FAIM2: variants seen among roughly 807,000 people sequenced by gnomAD.
FAIM2 encodes the protein protein lifeguard 2.
In FAIM2, 27 loss-of-function variants were observed where a neutral mutation model predicts 47.4. That is an observed-to-expected ratio of 0.57 (90% CI 0.42 to 0.78). The LOEUF (loss-of-function observed/expected upper bound fraction) is 0.78, where lower values mean the gene tolerates loss of function less well. FAIM2 is among the 30% of genes least tolerant of loss of function. The pLI is 0.00. For missense variants in FAIM2, 311 were observed against 389.4 expected (o/e 0.80, Z 1.69); for synonymous variants, 156 against 159.3 (o/e 0.98, Z 0.16).
chr12:49,884,605 G>A (rs1946847741), intron 11 of FAIM2, among the ~76,000 whole-genome samples: 1 of 152,150 alleles, frequency 6.6e-6, no homozygotes, highest in African/African-American at 2.4e-5. Flanking sequence ...GGAACCACAG[G>A]GGCACTGGAA....
At chr12:49,896,983 G>A in intron 5 of FAIM2, 48 bp downstream of exon 5, 2 of 1,441,546 alleles carry the variant, frequency 1.4e-6, no homozygotes, top group South Asian at 2.3e-5. Context: ...CCCTCTTCTG[G>A]CCACTAAGCC....
intron 11 of FAIM2, among the ~76,000 whole-genome samples, chr12:49,877,888 G>A (rs564453575): frequency 6.6e-6 from 1 of 150,644 alleles, no homozygotes; most frequent in South Asian, 2.1e-4. Context: ...ATATGTGTAT[G>A]TGGGTATGTG....
intron 11 of FAIM2, among the ~76,000 whole-genome samples, chr12:49,886,546 G>C (rs1946862760): frequency 1.3e-5 from 2 of 152,074 alleles, no homozygotes; most frequent in South Asian, 4.2e-4. Flanking sequence ...CGCGATCTCG[G>C]CTCACTGCAA....
At chr12:49,880,452 A>ATG (rs1279964071) in intron 11 of FAIM2, among the ~76,000 whole-genome samples, 4 of 62,688 alleles carry the variant, frequency 6.4e-5, no homozygotes, top group Admixed American at 1.7e-4. Context: ...GTGTATGTGC[A>ATG]TGTGTATGTG....
intron 1 of FAIM2, chr12:49,902,388 C>T (rs11831143): frequency 0.15 from 23,102 of 152,248 alleles, 1,949 homozygotes; most frequent in African/African-American, 0.21. Context: ...AGGAAGACTG[C>T]GGACTTCCTT....
Position 49,879,086 on chromosome 12 carries a change from CTG to C in FAIM2, c.801+8298_801+8299del, listed in dbSNP as rs1188318649. Among the ~76,000 whole-genome samples, 8 of 120,976 alleles carry C rather than the reference CTG, an allele frequency of 6.6e-5. 1 individual carries two copies. Among genetic ancestry groups the C allele is most frequent in the African/African-American group, 2.3e-4 (7 of 30,772 alleles). 79.4% of individuals were successfully genotyped at this position (120,976 alleles called of 152,430 possible). On this transcript the variant is annotated intron_variant, in intron 11 of 11. Coordinates refer to ENST00000320634, the MANE Select transcript of FAIM2 (RefSeq NM_012306.4). ...TATGTATATGTGCATGTGTATGTGT[CTG>C]TGTGCATGTGAGTGTATGTATGTGC... is the stretch of plus-strand genomic sequence containing the variant.
At chr12:49,890,800 A>G in intron 6 of FAIM2, 78 bp from the exon 7 acceptor site, 1 of 1,303,206 alleles carries the variant, frequency 7.7e-7, no homozygotes, top group Non-Finnish European at 1.1e-6. Flanking sequence ...TGTTGCAGGG[A>G]GGGGGTCTCT....
intron 11 of FAIM2, among the ~76,000 whole-genome samples, chr12:49,878,809 TGTGAATGTG>T (rs2137084646): frequency 1.2e-5 from 1 of 82,696 alleles, no homozygotes; most frequent in African/African-American, 7.5e-5. Flanking sequence ...TATGTGTGCA[TGTGAATGTG>T]TGTATATGTG....
intron 8 of FAIM2, among the ~76,000 whole-genome samples, 194 bp downstream of exon 8, chr12:49,889,923 C>T (rs1036823759): frequency 2.0e-5 from 3 of 151,936 alleles, no homozygotes; most frequent in Non-Finnish European, 4.4e-5. Context: ...CCCTATCCAC[C>T]GGGCCAGGTC....
intron 11 of FAIM2, among the ~76,000 whole-genome samples, chr12:49,879,272 GTATA>G (rs201009107): frequency 1.6e-5 from 1 of 63,742 alleles, no homozygotes; most frequent in African/African-American, 7.1e-5. Context: ...GTGTGCATGT[GTATA>G]TGTGTGTATG....
At chr12:49,895,691 T>TGA (rs1180625369) in intron 5 of FAIM2, among the ~76,000 whole-genome samples, 1 of 152,182 alleles carries the variant, frequency 6.6e-6, no homozygotes, top group African/African-American at 2.4e-5. Context: ...GAGGCCAGGC[T>TGA]AGGGTCCTTA....
intron 9 of FAIM2, 111 bp downstream of exon 9, chr12:49,889,370 C>T (rs1565617599): frequency 1.8e-6 from 2 of 1,089,780 alleles, no homozygotes; most frequent in Non-Finnish European, 2.8e-6. Flanking sequence ...CAACTCACCC[C>T]CTTTACTTCT....
chr12:49,897,709 G>A (rs1389795532), intron 3 of FAIM2, 126 bp from the exon 4 acceptor site: 4 of 717,674 alleles, frequency 5.6e-6, no homozygotes, highest in Admixed American at 5.4e-5. Context: ...GGGGGTCATT[G>A]GAGTGAACCC....
chr12:49,899,285 T>G (rs1022997623), intron 2 of FAIM2, among the ~76,000 whole-genome samples: 3 of 152,152 alleles, frequency 2.0e-5, no homozygotes, highest in Admixed American at 2.0e-4. Context: ...AGTGTGTTCA[T>G]TTTGTCCCTC....
At chr12:49,883,944 G>A (rs1379660192) in intron 11 of FAIM2, among the ~76,000 whole-genome samples, 3 of 152,180 alleles carry the variant, frequency 2.0e-5, no homozygotes, top group African/African-American at 7.2e-5. Flanking sequence ...GGGAATGGTC[G>A]GGCGCTATGG....
At position 49,878,414 on chromosome 12, in the gene FAIM2, GTA is replaced by G. The variant is rs796202212; in HGVS notation, c.802-7763_802-7762del. On this transcript the variant is annotated intron_variant, in intron 11 of 11. Transcript: ENST00000320634. ...TGTGTGTGTCTGTGTGCATGTGAGT[GTA>G]TGTGTGTGTATATGTGCAAGTGTGT... Among the ~76,000 whole-genome samples, 5 of 112,008 alleles carry G rather than the reference GTA, an allele frequency of 4.5e-5. 1 individual carries two copies. The highest frequency in any genetic ancestry group is 9.0e-5 in the African/African-American group (2 of 22,324). 73.5% of individuals were successfully genotyped at this position (112,008 alleles called of 152,430 possible). A position where few individuals can be genotyped will look rare whatever the true frequency, so the allele number is the denominator to read the frequency against.
intron 8 of FAIM2, 100 bp from the exon 9 acceptor site, chr12:49,889,668 G>C: frequency 1.0e-6 from 1 of 983,226 alleles, no homozygotes; most frequent in Non-Finnish European, 1.6e-6. Context: ...CTGGTCTTGG[G>C]ATCCCTGGCC....
intron 11 of FAIM2, among the ~76,000 whole-genome samples, chr12:49,877,840 G>A (rs879462889): frequency 3.3e-5 from 5 of 151,982 alleles, no homozygotes; most frequent in African/African-American, 4.8e-5. Flanking sequence ...GTGCGTATAT[G>A]TGTGTAGGTG....
chr12:49,885,591 C>T (rs1227731906), intron 11 of FAIM2, among the ~76,000 whole-genome samples: 1 of 152,176 alleles, frequency 6.6e-6, no homozygotes, highest in Non-Finnish European at 1.5e-5. Context: ...TTAGGGGCTC[C>T]TCAAGAAGTG....
Sources: allele counts gnomAD v4.1 joint callset (sites outside exome capture counted in the v4.1 genomes callset), GRCh38; gene constraint gnomAD v4.1.1; transcripts MANE v1.5; gene names NCBI Gene and HGNC (gene_info 2026-07-23, HGNC 2026-07-21).